The following CLTCL1 variants were observed in gnomAD, a reference collection of about 807,000 sequenced individuals.
The protein encoded by CLTCL1 is clathrin heavy chain 2.
A neutral mutation model predicts 190.0 loss-of-function variants in CLTCL1; 159 were observed. The observed-to-expected ratio is 0.84, with a 90% CI of 0.74 to 0.95. CLTCL1 has a LOEUF of 0.95. CLTCL1 is among the 40% of genes least tolerant of loss of function. The pLI, the probability that CLTCL1 is intolerant of heterozygous loss-of-function variation, is 0.00. For synonymous variants in CLTCL1, 752 were observed against 769.6 expected, an observed-to-expected ratio of 0.98 and a Z score of 0.38; for missense variants, 1,878 against 2,033.4, an observed-to-expected ratio of 0.92 and a Z score of 1.47.
At chr22:19,183,294 A>T in intron 30 of CLTCL1, 96 bp downstream of exon 30, 1 of 1,109,460 alleles carries the variant, frequency 9.0e-7, no homozygotes, top group Non-Finnish European at 1.3e-6. Context: ...GGTTGGCCTC[A>T]AAGGGGCCCA....
intron 22 of CLTCL1, among the ~76,000 whole-genome samples, chr22:19,202,468 C>T: frequency 6.6e-6 from 1 of 150,456 alleles, no homozygotes; most frequent in African/African-American, 2.4e-5. Context: ...CGCACCACCC[C>T]TCCTTTGCCA....
At chr22:19,272,643 G>T (rs1298619325) in intron 2 of CLTCL1, among the ~76,000 whole-genome samples, 1 of 151,968 alleles carries the variant, frequency 6.6e-6, no homozygotes, top group African/African-American at 2.4e-5. Flanking sequence ...GCTAATTTTT[G>T]TATTTTTAGT....
At chr22:19,244,967 A>G (rs530188499) in intron 3 of CLTCL1, among the ~76,000 whole-genome samples, 1 of 152,268 alleles carries the variant, frequency 6.6e-6, no homozygotes, top group South Asian at 2.1e-4. Flanking sequence ...CAACTGCAAT[A>G]CAGAGTGCTG....
chr22:19,187,060 T>G (rs2084339037), intron 29 of CLTCL1, among the ~76,000 whole-genome samples: 1 of 151,706 alleles, frequency 6.6e-6, no homozygotes, highest in Admixed American at 6.6e-5. Context: ...GCCTCCCGAG[T>G]GGCTGGTACC....
chr22:19,187,890 T>C, intron 28 of CLTCL1, 91 bp downstream of exon 28: 1 of 1,415,252 alleles, frequency 7.1e-7, no homozygotes, highest in Non-Finnish European at 9.9e-7. Context: ...CACACCCTCC[T>C]GTGCAAAGGC....
At position 19,247,232 on chromosome 22, in the gene CLTCL1, G is replaced by C. The variant is rs149799006; in HGVS notation, c.520-4296C>G. On this transcript the variant is annotated intron_variant, in intron 3 of 32. Coordinates refer to ENST00000427926, the MANE Select transcript of CLTCL1 (RefSeq NM_007098.4). ...TGCATGTGGATATTTAGTTGTCCCA[G>C]CACCATTCCTGAAGAGACTATTGTT... 5.7e-3 allele frequency among the ~76,000 whole-genome samples: 866 copies of C among 152,286 alleles called. 11 individuals are homozygous for C. Among genetic ancestry groups the C allele is most frequent in the African/African-American group, 0.019 (778 of 41,566 alleles).
chr22:19,276,932 A>G (rs749377121), intron 1 of CLTCL1, among the ~76,000 whole-genome samples: 3 of 152,082 alleles, frequency 2.0e-5, no homozygotes, highest in Admixed American at 6.6e-5. Flanking sequence ...TTGGCCTCCC[A>G]AAGCGCTGGG....
chr22:19,257,707 C>T (rs934224196), intron 2 of CLTCL1: 5 of 986,024 alleles, frequency 5.1e-6, no homozygotes, highest in Middle Eastern at 7.6e-4. Context: ...GGGTCCAGGG[C>T]CCTGGCCACT....
At chr22:19,188,240 C>T (rs1233407530) in intron 27 of CLTCL1, 149 bp from the exon 28 acceptor site, 2 of 678,316 alleles carry the variant, frequency 2.9e-6, no homozygotes, top group South Asian at 1.6e-5. Flanking sequence ...AACCAAAAGA[C>T]CTACACTCAC....
chr22:19,255,379 A>G (rs2086712402), intron 2 of CLTCL1, among the ~76,000 whole-genome samples: 1 of 152,032 alleles, frequency 6.6e-6, no homozygotes, highest in African/African-American at 2.4e-5. Flanking sequence ...TCTGGTCAAC[A>G]TGGTGAAACC....
At chr22:19,234,192 G>C (rs1212123580) in intron 7 of CLTCL1, among the ~76,000 whole-genome samples, 1 of 152,206 alleles carries the variant, frequency 6.6e-6, no homozygotes, top group Non-Finnish European at 1.5e-5. Context: ...GTATTGTACA[G>C]TTGCATATTT....
intron 11 of CLTCL1, 61 bp from the exon 12 acceptor site, chr22:19,226,444 C>A: frequency 6.3e-7 from 1 of 1,590,136 alleles, no homozygotes; most frequent in Non-Finnish European, 8.6e-7. Context: ...TTAAGACCAG[C>A]TGCTCAATCT....
rs782610066 is a variant in CLTCL1, at chr22:19,209,083, C to T, written c.3281G>A (p.Arg1094Gln). The T allele has an allele frequency of 3.6e-5, 58 of 1,607,150 alleles. No individual in the cohort carries two copies. The highest frequency in any genetic ancestry group is 4.6e-5 in the Non-Finnish European group (54 of 1,176,654). Residue 1094 changes from arginine to glutamine, a missense_variant, in exon 21 of 33, where the codon CGG becomes CAG. Arg to Gln is a conservative substitution (Grantham distance 43, BLOSUM62 1). Transcript: ENST00000427926. ...VLIEHIGNLD[R>Q]AYEFAERCNE... ...GCATCTCTCCGCAAACTCATATGCC[C>T]GGTCCAGGTTTCCAATGTGCTCGAT... is the stretch of plus-strand genomic sequence containing the variant.
At chr22:19,187,899 G>T in intron 28 of CLTCL1, 82 bp downstream of exon 28, 1 of 1,453,648 alleles carries the variant, frequency 6.9e-7, no homozygotes, top group Non-Finnish European at 9.6e-7. Context: ...CTGTGCAAAG[G>T]CAGCCTGCTT....
Position 19,179,881 on chromosome 22 carries a change from C to G in CLTCL1, c.*109G>C. 2.5e-6 allele frequency: 1 copy of G among 396,524 alleles called. No individual in the cohort carries two copies. The highest frequency in any genetic ancestry group is 3.5e-5 in the South Asian group (1 of 28,890). 24.6% of individuals were successfully genotyped at this position (396,524 alleles called of 1,614,324 possible). A position where few individuals can be genotyped will look rare whatever the true frequency, so the allele number is the denominator to read the frequency against. Reference sequence around the variant, plus strand: ...GTGGGTGGTGACAACGCCCACTACACGCGGAAGTTGTACATTGGAGGCTGG... The same window carrying G: ...GTGGGTGGTGACAACGCCCACTACAGGCGGAAGTTGTACATTGGAGGCTGG... On this transcript the variant is annotated 3_prime_UTR_variant, in exon 33 of 33. Coordinates refer to ENST00000427926, the MANE Select transcript of CLTCL1 (RefSeq NM_007098.4).
In CLTCL1 at chr22:19,284,738, G is replaced by A. The variant is rs189332579; in HGVS notation, c.42+6862C>T. Among the ~76,000 whole-genome samples the A allele has an allele frequency of 8.2e-3, 1,233 of 149,852 alleles. 9 individuals are homozygous for A. The highest frequency in any genetic ancestry group is 0.025 in the South Asian group (116 of 4,704). On this transcript the variant is annotated intron_variant, in intron 1 of 32. Transcript: ENST00000427926. The stretch of plus-strand genomic sequence containing the variant: ...TGGGAGGCTGAGGTGGGCGGATCAC[G>A]AGGTCAAGAGATTAAGACCATCCTG...
chr22:19,231,047 C>G (rs537665393), intron 10 of CLTCL1, among the ~76,000 whole-genome samples: 1 of 152,178 alleles, frequency 6.6e-6, no homozygotes, highest in East Asian at 1.9e-4. Flanking sequence ...ACCAAAGGCC[C>G]CCCAGGGTTC....
intron 31 of CLTCL1, 134 bp downstream of exon 31, chr22:19,180,596 TA>T: frequency 1.3e-6 from 1 of 799,534 alleles, no homozygotes. Context: ...CCACACCCAG[TA>T]GCCACTGGGA....
At chr22:19,206,931 AT>A (rs782807159) in intron 22 of CLTCL1, among the ~76,000 whole-genome samples, 22 of 150,712 alleles carry the variant, frequency 1.5e-4, no homozygotes, top group Non-Finnish European at 2.2e-4. Context: ...TTATTTAAAC[AT>A]TTTGGCTTTA....
Sources: allele counts gnomAD v4.1 joint callset (sites outside exome capture counted in the v4.1 genomes callset), GRCh38; gene constraint gnomAD v4.1.1; transcripts MANE v1.5; gene names NCBI Gene and HGNC (gene_info 2026-07-23, HGNC 2026-07-21).